The following MARK2 variants were observed in gnomAD, a reference collection of about 807,000 sequenced individuals.
MARK2 encodes microtubule affinity regulating kinase 2, also known as serine/threonine-protein kinase MARK2.
MARK2 carries 16 observed loss-of-function variants against 89.8 expected under a neutral mutation model. The ratio of observed to expected loss-of-function variants is 0.18; its 90% CI spans 0.12 to 0.27. The LOEUF (loss-of-function observed/expected upper bound fraction) is 0.27. Among genes scored for constraint, MARK2 ranks in the 10% least tolerant of loss-of-function variants. The probability of loss-of-function intolerance (pLI) is 1.00; values close to 1 mark genes in which losing one functional copy is unlikely to be tolerated. For missense variants in MARK2, 621 were observed against 1,049.9 expected (o/e 0.59, Z 5.65); for synonymous variants, 382 against 399.5 (o/e 0.96, Z 0.52).
In MARK2 at chr11:63,901,215, A is replaced by C. The variant is rs112054880; in HGVS notation, c.1101+146A>C. On this transcript the variant is annotated intron_variant, in intron 11 of 18. Coordinates refer to ENST00000402010, the MANE Select transcript of MARK2 (RefSeq NM_001039469.3). Reference sequence around the variant, plus strand: ...TTTTAAGCCTCAGCTTTGGTGTCTAAGGTCCTCTGGCCCATTCACTGATCT... The same window carrying C: ...TTTTAAGCCTCAGCTTTGGTGTCTACGGTCCTCTGGCCCATTCACTGATCT... 563 of 645,898 alleles carry C rather than the reference A, an allele frequency of 8.7e-4. 2 individuals carry two copies. The African/African-American group carries it at 8.8e-3, about 10-fold the overall frequency. 40.0% of individuals were successfully genotyped at this position (645,898 alleles called of 1,614,324 possible).
chr11:63,881,661 T>C (rs1939099652), intron 1 of MARK2, among the ~76,000 whole-genome samples: 2 of 151,090 alleles, frequency 1.3e-5, no homozygotes, highest in Admixed American at 6.6e-5. Context: ...AAGAAATCAA[T>C]GGGGCTGGGT....
chr11:63,898,838 G>A lies in MARK2; in HGVS notation c.474+5G>A. ...GCTCGAGCCAAATTCCGCCAGGTAG[G>A]TGTGACTCCCTCCATAGGAGCTAGG... On this transcript the variant is annotated splice_donor_5th_base_variant and intron_variant, in intron 6 of 18. Transcript: ENST00000402010. The A allele has an allele frequency of 1.2e-6, 2 of 1,612,950 alleles. No homozygotes were observed. The highest frequency in any genetic ancestry group is 2.2e-5 in the East Asian group (1 of 44,884).
intron 1 of MARK2, among the ~76,000 whole-genome samples, chr11:63,853,873 T>A (rs2016696884): frequency 6.6e-6 from 1 of 151,944 alleles, no homozygotes; most frequent in Non-Finnish European, 1.5e-5. Flanking sequence ...ATTTTAATTT[T>A]TATCTATTTA....
Position 63,903,208 on chromosome 11 carries a change from C to A in MARK2, c.1514+50C>A. 3 of 1,359,760 alleles carry A rather than the reference C, an allele frequency of 2.2e-6. No homozygotes were observed. The highest frequency in any genetic ancestry group is 3.1e-6 in the Non-Finnish European group (3 of 954,692). 84.2% of individuals were successfully genotyped at this position (1,359,760 alleles called of 1,614,324 possible). A position where few individuals can be genotyped will look rare whatever the true frequency, so the allele number is the denominator to read the frequency against. On this transcript the variant is annotated intron_variant, in intron 14 of 18. Transcript: ENST00000402010. The surrounding 1 kb of genome is among the most constrained non-coding windows in gnomAD (Gnocchi z 5.1). ...CTCACTCCCTAGGAGCCATGTCTCA[C>A]AGGGTGATGTCTGTCAGCAGCACCG...
intron 16 of MARK2, among the ~76,000 whole-genome samples, chr11:63,905,614 G>A (rs1468016228): frequency 6.6e-6 from 1 of 152,244 alleles, no homozygotes; most frequent in African/African-American, 2.4e-5. Flanking sequence ...ATGTGCCAAA[G>A]GTTTCCTGTG....
chr11:63,867,755 CTGACGCCGTGGGCAG>C (rs1938214288), intron 1 of MARK2, among the ~76,000 whole-genome samples: 1 of 152,206 alleles, frequency 6.6e-6, no homozygotes, highest in Non-Finnish European at 1.5e-5. Context: ...CTCACCATGG[CTGACGCCGTGGGCAG>C]GCATCCGCAT....
chr11:63,892,032 A>G (rs910242406), intron 1 of MARK2, among the ~76,000 whole-genome samples: 2 of 152,234 alleles, frequency 1.3e-5, no homozygotes, highest in Non-Finnish European at 2.9e-5. Flanking sequence ...TTGAGGACCA[A>G]CCAGGCTTAG....
At chr11:63,899,130 G>A in intron 7 of MARK2, 22 bp downstream of exon 7, 2 of 1,551,138 alleles carry the variant, frequency 1.3e-6, no homozygotes, top group Non-Finnish European at 8.9e-7. Flanking sequence ...ACTTCTCCTT[G>A]TGCCTTTGAG....
At chr11:63,906,264 G>T in intron 17 of MARK2, 150 bp downstream of exon 17, 1 of 1,081,518 alleles carries the variant, frequency 9.2e-7, no homozygotes. Context: ...CCATCTTAAA[G>T]GGATGAAGAC....
Position 63,900,653 on chromosome 11 carries a change from A to G in MARK2, c.863A>G (p.Asn288Ser). ...ENLLKKFLILNPSKRGTLEQI... is the reference protein window; with the variant it reads ...ENLLKKFLILSPSKRGTLEQI... ...CTGCTTAAGAAATTTCTCATTCTTAATCCCAGCAAGAGAGGCACTTTAGAG... is the reference window on the plus strand; with the variant it reads ...CTGCTTAAGAAATTTCTCATTCTTAGTCCCAGCAAGAGAGGCACTTTAGAG... The change falls in exon 9 of 19, where the codon AAT (asparagine) becomes AGT (serine). Residue 288 changes from asparagine (N) to serine (S), a missense_variant. Transcript: ENST00000402010. This position sits in a 1 kb window ranked among gnomAD's most constrained non-coding sequence, Gnocchi z 4.7. 1 of 1,614,180 alleles carries G rather than the reference A, an allele frequency of 6.2e-7. No homozygotes were observed. Among genetic ancestry groups the G allele is most frequent in the Non-Finnish European group, 8.5e-7 (1 of 1,180,036 alleles).
At chr11:63,868,695 A>G in intron 1 of MARK2, 3 of 446,954 alleles carry the variant, frequency 6.7e-6, no homozygotes, top group South Asian at 1.6e-5. Context: ...CCTGACACCA[A>G]CGTGTCTGCC....
rs750155967 is a variant in MARK2, at chr11:63,910,652, A to ATTTTTTTTTTTTTTTTTTTTTT, written c.*1429_*1430insTTTTTTTTTTTTTTTTTTTTTT. On this transcript the variant is annotated 3_prime_UTR_variant, in exon 19 of 19. Transcript: ENST00000402010. The stretch of plus-strand genomic sequence containing the variant: ...GTTTTATTTTTTATTATTTTATTTT[A>ATTTTTTTTTTTTTTTTTTTTTT]TTTTTTTTTTTTTTGATTTATGATG... 7.3e-6 allele frequency: 1 copy of ATTTTTTTTTTTTTTTTTTTTTT among 137,434 alleles called. No individual in the cohort carries two copies. The highest frequency in any genetic ancestry group is 1.6e-5 in the Non-Finnish European group (1 of 64,266). The allele number at this position is 137,434 out of a possible 1,614,324, so 8.5% of individuals were successfully genotyped here. A position where few individuals can be genotyped will look rare whatever the true frequency, so the allele number is the denominator to read the frequency against.
chr11:63,888,457 T>A, intron 1 of MARK2: 6 of 925,952 alleles, frequency 6.5e-6, no homozygotes, highest in Non-Finnish European at 7.8e-6. Flanking sequence ...GCAAAGCACC[T>A]TGGGGAGGGT....
At chr11:63,871,361 G>A (rs958366579) in intron 1 of MARK2, among the ~76,000 whole-genome samples, 2 of 151,688 alleles carry the variant, frequency 1.3e-5, no homozygotes, top group Non-Finnish European at 2.9e-5. Flanking sequence ...GTGCAGGTGT[G>A]GCTGAAGAGT....
In MARK2 at chr11:63,904,834, C is replaced by G; in HGVS notation, c.1725C>G (p.Ile575Met). The G allele has an allele frequency of 6.2e-7, 1 of 1,614,174 alleles. No homozygotes were observed. Among genetic ancestry groups the G allele is most frequent in the Non-Finnish European group, 8.5e-7 (1 of 1,180,030 alleles). Residue 575 changes from isoleucine to methionine, a missense_variant, in exon 16 of 19, where the codon ATC (isoleucine) becomes ATG (methionine). Ile to Met is a conservative substitution (Grantham distance 10, BLOSUM62 1). Transcript: ENST00000402010. The surrounding 1 kb of genome is among the most constrained non-coding windows in gnomAD (Gnocchi z 6.3). ...VPVASPSAHN[I>M]SSSGGAPDRT... ...TTGCCTCCCCATCCGCCCACAACAT[C>G]AGCAGCAGTGGTGGAGCCCCAGACC...
rs754792009 is a variant in MARK2, at chr11:63,900,820, A to T, written c.929A>T (p.Asp310Val). 3.7e-6 allele frequency: 6 copies of T among 1,614,064 alleles called. No homozygotes were observed. The highest frequency in any genetic ancestry group is 5.1e-6 in the Non-Finnish European group (6 of 1,180,042). Residue 310 changes from aspartate (D) to valine (V), a missense_variant, in exon 10 of 19, where the codon GAT becomes GTT. Coordinates refer to ENST00000402010, the MANE Select transcript of MARK2 (RefSeq NM_001039469.3). The surrounding 1 kb of genome is among the most constrained non-coding windows in gnomAD (Gnocchi z 4.7). ...KDRWMNVGHEDDELKPYVEPL... is the reference protein window; with the variant it reads ...KDRWMNVGHEVDELKPYVEPL... The stretch of plus-strand genomic sequence containing the variant: ...CGATGGATGAATGTGGGTCACGAAG[A>T]TGATGAACTAAAGCCTTACGTGGAG...
At position 63,902,823 on chromosome 11, in the gene MARK2, G is replaced by A; in HGVS notation, c.1416+41G>A. The A allele has an allele frequency of 6.6e-7, 1 of 1,511,372 alleles. No homozygotes were observed. The highest frequency in any genetic ancestry group is 2.1e-4 in the Middle Eastern group (1 of 4,680). The allele number at this position is 1,511,372 out of a possible 1,614,324, so 93.6% of individuals were successfully genotyped here. On this transcript the variant is annotated intron_variant, in intron 13 of 18. Transcript: ENST00000402010. The surrounding 1 kb of genome is among the most constrained non-coding windows in gnomAD (Gnocchi z 4.2). ...CGCTCTCTCCTTCCTTCCTGCGGTG[G>A]GGCCTGCCCTCTCCAGGCAGCTCTT...
chr11:63,879,238 T>G (rs1236237929), intron 1 of MARK2, among the ~76,000 whole-genome samples: 2 of 151,876 alleles, frequency 1.3e-5, no homozygotes, highest in Non-Finnish European at 2.9e-5. Flanking sequence ...ACCCAGGAGG[T>G]AGAGGTTGCA....
Position 63,902,537 on chromosome 11 carries a change from T to G in MARK2, c.1235-64T>G. 5 of 1,492,894 alleles carry G rather than the reference T, an allele frequency of 3.3e-6. No individual in the cohort carries two copies. Among genetic ancestry groups the G allele is most frequent in the Non-Finnish European group, 4.6e-6 (5 of 1,085,296 alleles). 92.5% of individuals were successfully genotyped at this position (1,492,894 alleles called of 1,614,324 possible). On this transcript the variant is annotated intron_variant, in intron 12 of 18. Coordinates refer to ENST00000402010, the MANE Select transcript of MARK2 (RefSeq NM_001039469.3). The surrounding 1 kb of genome is among the most constrained non-coding windows in gnomAD (Gnocchi z 4.2). The stretch of plus-strand genomic sequence containing the variant: ...TGGCCAGCCCTGTAGGAAATGAGCA[T>G]GCGTGGGGCTGGCACTCAGTGGACC...
Sources: gnomAD v4.1 joint callset for allele counts (sites outside exome capture counted in the v4.1 genomes callset) on GRCh38, gnomAD v4.1.1 for gene constraint, Gnocchi (gnomAD v3.1) non-coding constraint, MANE v1.5 for transcripts, NCBI Gene and HGNC (gene_info 2026-07-23, HGNC 2026-07-21) for gene names.